The following RAB3GAP1 variants were observed in gnomAD, a reference collection of about 807,000 sequenced individuals.
The protein encoded by RAB3GAP1 is rab3 GTPase-activating protein catalytic subunit.
A neutral mutation model predicts 130.7 loss-of-function variants in RAB3GAP1; 86 were observed. The ratio of observed to expected loss-of-function variants is 0.66; its 90% CI spans 0.55 to 0.79. The LOEUF (loss-of-function observed/expected upper bound fraction) is 0.79, where lower values mean the gene tolerates loss of function less well. RAB3GAP1 is among the 30% of genes least tolerant of loss of function. RAB3GAP1 has a pLI of 0.00. For synonymous variants in RAB3GAP1, 367 were observed against 401.7 expected, an observed-to-expected ratio of 0.91 and a Z score of 1.03; for missense variants, 1,029 against 1,169.4, an observed-to-expected ratio of 0.88 and a Z score of 1.75.
At chr2:135,106,297 C>T (rs913289307) in intron 5 of RAB3GAP1, among the ~76,000 whole-genome samples, 5 of 152,132 alleles carry the variant, frequency 3.3e-5, no homozygotes, top group Admixed American at 6.5e-5. Flanking sequence ...ATGACAATGG[C>T]GGTTTTGTCG....
chr2:135,058,195 G>A (rs945177657), intron 3 of RAB3GAP1, 109 bp downstream of exon 3: 24 of 914,622 alleles, frequency 2.6e-5, no homozygotes, highest in African/African-American at 8.3e-5. Context: ...TTAAAGTTAC[G>A]TATAATCTAT....
At chr2:135,116,225 G>A (rs1300454878) in intron 7 of RAB3GAP1, among the ~76,000 whole-genome samples, 1 of 152,078 alleles carries the variant, frequency 6.6e-6, no homozygotes, top group Non-Finnish European at 1.5e-5. Flanking sequence ...GGCAGCTTTA[G>A]CACTTAAATA....
At chr2:135,061,639 A>G (rs1417098527) in intron 3 of RAB3GAP1, among the ~76,000 whole-genome samples, 1 of 151,440 alleles carries the variant, frequency 6.6e-6, no homozygotes, top group African/African-American at 2.4e-5. Context: ...TAAAAATTGG[A>G]TTTTGTTTTT....
chr2:135,055,085 A>G (rs1236645076), intron 2 of RAB3GAP1, among the ~76,000 whole-genome samples: 1 of 152,224 alleles, frequency 6.6e-6, no homozygotes, highest in Non-Finnish European at 1.5e-5. Flanking sequence ...TAAAACAGGT[A>G]CGGTTTCTGC....
intron 14 of RAB3GAP1, 28 bp downstream of exon 14, chr2:135,133,012 A>C: frequency 8.1e-7 from 1 of 1,228,004 alleles, no homozygotes; most frequent in Non-Finnish European, 1.2e-6. Context: ...TCAATGTTAA[A>C]ATGTTTTAAA....
At chr2:135,126,397 T>C in intron 10 of RAB3GAP1, 148 bp downstream of exon 10, 2 of 891,040 alleles carry the variant, frequency 2.2e-6, no homozygotes, top group Non-Finnish European at 3.5e-6. Flanking sequence ...AGGACTTTGA[T>C]TTCTTATGAT....
At chr2:135,053,706 G>C (rs1688939379) in intron 2 of RAB3GAP1, among the ~76,000 whole-genome samples, 1 of 152,064 alleles carries the variant, frequency 6.6e-6, no homozygotes, top group Non-Finnish European at 1.5e-5. Context: ...GTAGGTACTG[G>C]GTGTCCAGAG....
intron 9 of RAB3GAP1, among the ~76,000 whole-genome samples, chr2:135,125,620 C>A (rs1396161678): frequency 6.6e-6 from 1 of 152,136 alleles, no homozygotes; most frequent in Admixed American, 6.5e-5. Flanking sequence ...TTCTTGTGAT[C>A]ACTCTGATCA....
intron 23 of RAB3GAP1, chr2:135,165,239 T>C: frequency 2.3e-6 from 1 of 439,748 alleles, no homozygotes; most frequent in Non-Finnish European, 4.5e-6. Flanking sequence ...TGAAAAATTA[T>C]CATAACCATT....
chr2:135,150,386 A>G lies in RAB3GAP1; in HGVS notation c.1941A>G (p.Thr647=), dbSNP rs1558800455. Residue 647 remains threonine, a synonymous_variant, in exon 18 of 24, where the codon ACA becomes ACG. Transcript: ENST00000264158. ...IPVTQEPAPM[T]EDLLEEQSEV... is the part of the protein sequence containing the mutation. The stretch of plus-strand genomic sequence containing the variant: ...CTTCACAGGAACCAGCACCTATGAC[A>G]GAAGATCTGCTAGAAGAGCAGTCTG... 6.2e-7 allele frequency: 1 copy of G among 1,614,240 alleles called. No homozygotes were observed. The highest frequency in any genetic ancestry group is 1.1e-5 in the South Asian group (1 of 91,088).
chr2:135,135,709 A>C lies in RAB3GAP1; in HGVS notation c.1700A>C (p.Glu567Ala), dbSNP rs1457606575. 2 of 1,613,982 alleles carry C rather than the reference A, an allele frequency of 1.2e-6. No homozygotes were observed. Among genetic ancestry groups the C allele is most frequent in the Admixed American group, 3.3e-5 (2 of 60,014 alleles). Residue 567 changes from glutamate to alanine, a missense_variant, in exon 17 of 24, where the codon GAA becomes GCA. This residue lies in a region of RAB3GAP1 where 373 missense variants were observed against 493.6 expected (regional missense o/e 0.76). Coordinates refer to ENST00000264158, the MANE Select transcript of RAB3GAP1 (RefSeq NM_012233.3). ...GATAATCTAAAAGAAACAGATAAGGAAAAGGGAGAGGTAGGAAAATCTTGG... is the reference window on the plus strand; with the variant it reads ...GATAATCTAAAAGAAACAGATAAGGCAAAGGGAGAGGTAGGAAAATCTTGG... ...VPDNLKETDKEKGEVGKSWDS... is the reference protein window; with the variant it reads ...VPDNLKETDKAKGEVGKSWDS...
At chr2:135,129,365 T>G (rs1190127260) in intron 11 of RAB3GAP1, among the ~76,000 whole-genome samples, 3 of 150,342 alleles carry the variant, frequency 2.0e-5, no homozygotes, top group Non-Finnish European at 3.0e-5. Context: ...GGCAGGAGAA[T>G]GGCGTGAACC....
At position 135,169,020 on chromosome 2, in the gene RAB3GAP1, GTATA is replaced by G; in HGVS notation, c.*241_*244del. ...GATTTCTGCCCTAGAGATGGCCTTT[GTATA>G]TGGGGGGGTGGTGGGGGGACACAAA... On this transcript the variant is annotated 3_prime_UTR_variant, in exon 24 of 24. Transcript: ENST00000264158. 3.2e-6 allele frequency: 1 copy of G among 309,300 alleles called. No homozygotes were observed. The highest frequency in any genetic ancestry group is 6.1e-6 in the Non-Finnish European group (1 of 163,248). The allele number at this position is 309,300 out of a possible 1,614,324, so 19.2% of individuals were successfully genotyped here.
At position 135,168,560 on chromosome 2, in the gene RAB3GAP1, C is replaced by T; in HGVS notation, c.2725C>T (p.Pro909Ser). 1 of 1,614,116 alleles carries T rather than the reference C, an allele frequency of 6.2e-7. No individual in the cohort carries two copies. Among genetic ancestry groups the T allele is most frequent in the Non-Finnish European group, 8.5e-7 (1 of 1,179,980 alleles). Residue 909 changes from proline to serine, a missense_variant, in exon 24 of 24, where the codon CCA becomes TCA. Around this residue, in one of 3 missense-constraint regions of RAB3GAP1, gnomAD observed 146 missense variants for 143.7 expected, o/e 1.02. Coordinates refer to ENST00000264158, the MANE Select transcript of RAB3GAP1 (RefSeq NM_012233.3). ...VNAQRAAAMT[P>S]PEEELKRMGS... Reference sequence around the variant, plus strand: ...TCTTTTCCAGGCTGCAGCTATGACTCCACCAGAGGAGGAATTGAAGAGAAT... The same window carrying T: ...TCTTTTCCAGGCTGCAGCTATGACTTCACCAGAGGAGGAATTGAAGAGAAT...
In RAB3GAP1 at chr2:135,130,682, G is replaced by A; in HGVS notation, c.1197G>A (p.Glu399=). Residue 399 remains glutamate (E), a synonymous_variant, in exon 13 of 24, where the codon GAG becomes GAA. Transcript: ENST00000264158. ...TCCGAAAACACAGAGGTGTAGAGGA[G>A]TCACCGCTAAATAATGATGTTCTTA... ...KKIRKHRGVE[E]SPLNNDVLNT... is the part of the protein sequence containing the mutation. 6.2e-7 allele frequency: 1 copy of A among 1,613,760 alleles called. No homozygotes were observed. Among genetic ancestry groups the A allele is most frequent in the Non-Finnish European group, 8.5e-7 (1 of 1,179,746 alleles).
Position 135,086,792 on chromosome 2 carries a change from G to A in RAB3GAP1, c.151-4206G>A, listed in dbSNP as rs960097533. Among the ~76,000 whole-genome samples the A allele has an allele frequency of 2.0e-5, 3 of 148,528 alleles. No homozygotes were observed. The Admixed American group carries it at 2.1e-4, about 10-fold the overall frequency. ...GGTCTCAAGTGATCCTCCTGCCTTA[G>A]CCTCCCTAAGTAGCTGGGACTACAG... On this transcript the variant is annotated intron_variant, in intron 3 of 23. Coordinates refer to ENST00000264158, the MANE Select transcript of RAB3GAP1 (RefSeq NM_012233.3).
rs1690821116 is a variant in RAB3GAP1 at position 135,112,164 on chromosome 2, A to G, written c.363-987A>G. On this transcript the variant is annotated intron_variant, in intron 5 of 23. Coordinates refer to ENST00000264158, the MANE Select transcript of RAB3GAP1 (RefSeq NM_012233.3). Reference sequence around the variant, plus strand: ...AAACCCTGCCCCTCAGCAGGACGCAAGCTTGTCCCCCAAATAGTGGTGACC... The same window carrying G: ...AAACCCTGCCCCTCAGCAGGACGCAGGCTTGTCCCCCAAATAGTGGTGACC... 3.9e-5 allele frequency among the ~76,000 whole-genome samples: 6 copies of G among 152,114 alleles called. No homozygotes were observed. The South Asian group carries it at 1.2e-3, about 32-fold the overall frequency.
At chr2:135,105,602 C>G (rs1690578908) in intron 5 of RAB3GAP1, among the ~76,000 whole-genome samples, 2 of 152,172 alleles carry the variant, frequency 1.3e-5, no homozygotes, top group African/African-American at 4.8e-5. Flanking sequence ...CTCCCAGCCG[C>G]CTGCCTTGGC....
At chr2:135,160,674 CAAAAAAA>C (rs59034119) in intron 19 of RAB3GAP1, among the ~76,000 whole-genome samples, 4 of 33,870 alleles carry the variant, frequency 1.2e-4, no homozygotes, top group South Asian at 1.9e-3. Context: ...GACCCTGTCT[CAAAAAAA>C]AAAAAAAAAA....
Sources: gnomAD v4.1 joint callset for allele counts (sites outside exome capture counted in the v4.1 genomes callset) on GRCh38, gnomAD v4.1.1 for gene constraint, gnomAD v4.1.1 regional missense constraint, MANE v1.5 for transcripts, NCBI Gene and HGNC (gene_info 2026-07-23, HGNC 2026-07-21) for gene names.